BAALC: variants seen among roughly 807,000 people sequenced by gnomAD.
The protein encoded by BAALC is BAALC binder of MAP3K1 and KLF4.
BAALC carries 9 observed loss-of-function variants against 15.5 expected under a neutral mutation model. That is an observed-to-expected ratio of 0.58 (90% CI 0.35 to 1.02). The LOEUF is 1.02. BAALC is among the 50% of genes least tolerant of loss of function. The pLI, the probability that BAALC is intolerant of heterozygous loss-of-function variation, is 0.02. For missense variants in BAALC, 201 were observed against 192.4 expected, an observed-to-expected ratio of 1.04 and a Z score of -0.27; for synonymous variants, 80 against 74.6, an observed-to-expected ratio of 1.07 and a Z score of -0.37.
At chr8:103,201,403 A>G (rs1812213684) in intron 1 of BAALC, among the ~76,000 whole-genome samples, 1 of 152,150 alleles carries the variant, frequency 6.6e-6, no homozygotes, top group Non-Finnish European at 1.5e-5. Flanking sequence ...GGGATTGTAC[A>G]GGTAAACAAT....
In BAALC at chr8:103,154,635, G is replaced by A. The variant is rs1022823862; in HGVS notation, c.160+13578G>A. The A allele has an allele frequency of 2.0e-5, 3 of 147,928 alleles. No homozygotes were observed. In the Admixed American group the frequency reaches 2.0e-4, roughly 10 times the overall value. The allele number at this position is 147,928 out of a possible 1,614,324, so 9.2% of individuals were successfully genotyped here. A position where few individuals can be genotyped will look rare whatever the true frequency, so the allele number is the denominator to read the frequency against. On this transcript the variant is annotated intron_variant, in intron 1 of 2. Transcript: ENST00000309982. ...CTTTGGGGTGATGGGTGGGGCAATG[G>A]GATCAGGTGCCTCAAAGGGCATCCC...
rs1398033735 is a variant in BAALC, at chr8:103,140,754, T to G, written c.-144T>G. ...TAGGGGCGGCGGGCACCGCAGGAGC[T>G]CCGCGCGGCTGCAGCGCGGGCGGGA... On this transcript the variant is annotated 5_prime_UTR_variant, in exon 1 of 3. Transcript: ENST00000309982. This position sits in a 1 kb window ranked among gnomAD's most constrained non-coding sequence, Gnocchi z 4.2. The G allele has an allele frequency of 4.7e-6, 3 of 639,496 alleles. No homozygotes were observed. Among genetic ancestry groups the G allele is most frequent in the Non-Finnish European group, 6.3e-6 (3 of 476,768 alleles). The allele number at this position is 639,496 out of a possible 1,614,324, so 39.6% of individuals were successfully genotyped here.
At chr8:103,169,471 A>G (rs2129935601) in intron 1 of BAALC, among the ~76,000 whole-genome samples, 1 of 152,218 alleles carries the variant, frequency 6.6e-6, no homozygotes, top group African/African-American at 2.4e-5. Context: ...GCTTGTATTT[A>G]AGGAGAGGGC....
chr8:103,222,100 G>T (rs1812689317), intron 2 of BAALC, among the ~76,000 whole-genome samples: 1 of 152,172 alleles, frequency 6.6e-6, no homozygotes, highest in African/African-American at 2.4e-5. Flanking sequence ...AAAGACCTGG[G>T]ATCTGCAGAA....
At chr8:103,195,343 G>A (rs1041327897) in intron 1 of BAALC, among the ~76,000 whole-genome samples, 4 of 152,164 alleles carry the variant, frequency 2.6e-5, no homozygotes, top group African/African-American at 7.2e-5. Context: ...TTGGAGAACT[G>A]CTTTTGCTAC....
At chr8:103,149,170 TC>T (rs33974929) in intron 1 of BAALC, among the ~76,000 whole-genome samples, 152,117 of 152,120 alleles carry the variant, frequency 1, 76,057 homozygotes, top group Middle Eastern at 1. Flanking sequence ...TGTAGTACCC[TC>T]CCCCCACCCC....
At chr8:103,189,446 TAGC>T (rs879447489) in intron 1 of BAALC, among the ~76,000 whole-genome samples, 8 of 152,240 alleles carry the variant, frequency 5.3e-5, no homozygotes, top group Non-Finnish European at 7.3e-5. Flanking sequence ...CTTTCAGGAT[TAGC>T]AGAGACAGCT....
chr8:103,175,631 G>A (rs1342790812), intron 1 of BAALC, among the ~76,000 whole-genome samples: 1 of 152,216 alleles, frequency 6.6e-6, no homozygotes, highest in East Asian at 1.9e-4. Flanking sequence ...TGAATTTGAA[G>A]CAGGATTGAA....
chr8:103,185,996 GGTTA>G (rs963154174), intron 1 of BAALC, among the ~76,000 whole-genome samples: 3 of 152,054 alleles, frequency 2.0e-5, no homozygotes, highest in African/African-American at 7.2e-5. Context: ...TGGTGTCTTG[GGTTA>G]GTTCTCACTG....
At chr8:103,227,711 C>T (rs796569275) in intron 2 of BAALC, among the ~76,000 whole-genome samples, 11 of 152,232 alleles carry the variant, frequency 7.2e-5, no homozygotes, top group African/African-American at 2.6e-4. Context: ...TCATCAAAGC[C>T]TCAAAAGAAT....
At chr8:103,220,921 T>C (rs985162684) in intron 2 of BAALC, among the ~76,000 whole-genome samples, 17 of 152,240 alleles carry the variant, frequency 1.1e-4, no homozygotes, top group Non-Finnish European at 1.5e-4. Context: ...CAAAGAACTA[T>C]GAAAAGGTTT....
At chr8:103,152,274 C>T (rs1240972745) in intron 1 of BAALC, among the ~76,000 whole-genome samples, 2 of 152,066 alleles carry the variant, frequency 1.3e-5, no homozygotes, top group African/African-American at 4.8e-5. Context: ...CTGTTTTTTG[C>T]TCAGCGTGTT....
intron 2 of BAALC, among the ~76,000 whole-genome samples, chr8:103,221,714 T>C (rs1812681138): frequency 6.6e-6 from 1 of 152,168 alleles, no homozygotes; most frequent in Admixed American, 6.5e-5. Context: ...ATATCTGGCA[T>C]TGTGATTCTT....
intron 1 of BAALC, among the ~76,000 whole-genome samples, chr8:103,151,768 A>AC (rs1242859234): frequency 6.6e-6 from 1 of 151,282 alleles, no homozygotes; most frequent in African/African-American, 2.4e-5. Flanking sequence ...TAAAAAAAAA[A>AC]ATCACAGACT....
At chr8:103,194,252 T>C (rs1226982334) in intron 1 of BAALC, among the ~76,000 whole-genome samples, 1 of 152,206 alleles carries the variant, frequency 6.6e-6, no homozygotes, top group Non-Finnish European at 1.5e-5. Flanking sequence ...CACTGGCTAA[T>C]TACCGGGATT....
At position 103,229,219 on chromosome 8, in the gene BAALC, G is replaced by A. The variant is rs1054554647; in HGVS notation, c.*1120G>A. 2.6e-5 allele frequency: 4 copies of A among 152,164 alleles called. No individual in the cohort carries two copies. Among genetic ancestry groups the A allele is most frequent in the Non-Finnish European group, 5.9e-5 (4 of 68,042 alleles). The allele number at this position is 152,164 out of a possible 1,614,324, so 9.4% of individuals were successfully genotyped here. ...AATTTTCTAGTATGTCTTGAAACAT[G>A]TTCATCTGGAAGTATTTTCCTCCAA... On this transcript the variant is annotated 3_prime_UTR_variant, in exon 3 of 3. Coordinates refer to ENST00000309982, the MANE Select transcript of BAALC (RefSeq NM_024812.3).
chr8:103,202,371 A>G lies in BAALC; in HGVS notation c.161-10548A>G, dbSNP rs539124132. Reference sequence around the variant, plus strand: ...ACACACTCAGAGGGAAGACCATGTGAAGACAGAGGGAGAAGACATCTATCT... The same window carrying G: ...ACACACTCAGAGGGAAGACCATGTGGAGACAGAGGGAGAAGACATCTATCT... On this transcript the variant is annotated intron_variant, in intron 1 of 2. Coordinates refer to ENST00000309982, the MANE Select transcript of BAALC (RefSeq NM_024812.3). 2.0e-5 allele frequency among the ~76,000 whole-genome samples: 3 copies of G among 152,334 alleles called. 1 individual carries two copies. Among genetic ancestry groups the G allele is most frequent in the African/African-American group, 7.2e-5 (3 of 41,584 alleles).
chr8:103,216,215 A>T (rs1025584028), intron 2 of BAALC, among the ~76,000 whole-genome samples: 2 of 152,212 alleles, frequency 1.3e-5, no homozygotes, highest in Non-Finnish European at 2.9e-5. Flanking sequence ...ATTGTGAACA[A>T]TACAGCTTTT....
In BAALC at chr8:103,224,316, A is replaced by G. The variant is rs183655360; in HGVS notation, c.328-3673A>G. 5.9e-3 allele frequency among the ~76,000 whole-genome samples: 877 copies of G among 149,526 alleles called. 4 individuals carry two copies. Among genetic ancestry groups the G allele is most frequent in the African/African-American group, 0.02 (828 of 41,068 alleles). Reference sequence around the variant, plus strand: ...AACATGTGCCCAAGGTGAGCGGGGCACAGCGCTTGGTTTTATATATTTTAG... The same window carrying G: ...AACATGTGCCCAAGGTGAGCGGGGCGCAGCGCTTGGTTTTATATATTTTAG... On this transcript the variant is annotated intron_variant, in intron 2 of 2. Transcript: ENST00000309982.
Sources: gnomAD v4.1 joint callset for allele counts (sites outside exome capture counted in the v4.1 genomes callset) on GRCh38, gnomAD v4.1.1 for gene constraint, Gnocchi (gnomAD v3.1) non-coding constraint, MANE v1.5 for transcripts, NCBI Gene and HGNC (gene_info 2026-07-23, HGNC 2026-07-21) for gene names.